CDC73: variants seen among roughly 807,000 people sequenced by gnomAD.
The protein encoded by CDC73 is cell division cycle 73, also known as parafibromin.
CDC73 carries 21 observed loss-of-function variants against 83.7 expected under a neutral mutation model. The ratio of observed to expected loss-of-function variants is 0.25; its 90% CI spans 0.18 to 0.36. The LOEUF (loss-of-function observed/expected upper bound fraction) is 0.36, where lower values mean the gene tolerates loss of function less well. CDC73 is among the 10% of genes least tolerant of loss of function. The probability of loss-of-function intolerance (pLI) is 1.00; values close to 1 mark genes in which losing one functional copy is unlikely to be tolerated. For missense variants in CDC73, 342 were observed against 653.3 expected (o/e 0.52, Z 5.19); for synonymous variants, 224 against 212.9 (o/e 1.05, Z -0.45).
At chr1:193,174,677 A>G (rs1379865339) in intron 10 of CDC73, among the ~76,000 whole-genome samples, 1 of 152,070 alleles carries the variant, frequency 6.6e-6, no homozygotes, top group African/African-American at 2.4e-5. Flanking sequence ...GATTCTTTAT[A>G]CAGTGTTTTC....
chr1:193,223,477 A>C (rs542182376), intron 13 of CDC73, among the ~76,000 whole-genome samples: 1 of 152,146 alleles, frequency 6.6e-6, no homozygotes, highest in Non-Finnish European at 1.5e-5. Flanking sequence ...CAGTTTTACC[A>C]TTTGAGATAT....
At chr1:193,135,978 C>T (rs752026787) in intron 5 of CDC73, among the ~76,000 whole-genome samples, 4 of 151,782 alleles carry the variant, frequency 2.6e-5, no homozygotes, top group Non-Finnish European at 4.4e-5. Context: ...AAGTGATCCC[C>T]CCACCTCAGC....
chr1:193,216,062 C>G (rs1157675282), intron 13 of CDC73, among the ~76,000 whole-genome samples: 1 of 152,132 alleles, frequency 6.6e-6, no homozygotes, highest in Non-Finnish European at 1.5e-5. Context: ...AGAACAAGAG[C>G]AAACCAGTCC....
chr1:193,224,152 C>T (rs1677520069), intron 13 of CDC73, among the ~76,000 whole-genome samples: 1 of 151,962 alleles, frequency 6.6e-6, no homozygotes, highest in Non-Finnish European at 1.5e-5. Context: ...CTCCACTCCC[C>T]CACCCTTCCT....
At position 193,203,681 on chromosome 1, in the gene CDC73, G is replaced by C. The variant is rs1371029667; in HGVS notation, c.973-114G>C. On this transcript the variant is annotated intron_variant, in intron 10 of 16. Coordinates refer to ENST00000367435, the MANE Select transcript of CDC73 (RefSeq NM_024529.5). ...AACATGTTCAGTGGAGTAACCAACTGAGTGAGAAAAACAGAACAAGAGACA... is the reference window on the plus strand; with the variant it reads ...AACATGTTCAGTGGAGTAACCAACTCAGTGAGAAAAACAGAACAAGAGACA... The C allele has an allele frequency of 5.7e-6, 5 of 871,902 alleles. No homozygotes were observed. In the African/African-American group the frequency reaches 6.7e-5, roughly 12 times the overall value. 54.0% of individuals were successfully genotyped at this position (871,902 alleles called of 1,614,324 possible).
At chr1:193,140,762 C>T (rs997889072) in intron 6 of CDC73, among the ~76,000 whole-genome samples, 6 of 152,110 alleles carry the variant, frequency 3.9e-5, no homozygotes, top group African/African-American at 9.7e-5. Flanking sequence ...CTACTCAGCA[C>T]GGCACATAAT....
chr1:193,226,921 A>G (rs1422525095), intron 13 of CDC73, among the ~76,000 whole-genome samples: 1 of 152,138 alleles, frequency 6.6e-6, no homozygotes, highest in Non-Finnish European at 1.5e-5. Context: ...GTCTGATACA[A>G]TTCAGCTGTG....
intron 1 of CDC73, among the ~76,000 whole-genome samples, chr1:193,124,303 C>G (rs573042131): frequency 1.3e-5 from 2 of 152,230 alleles, no homozygotes; most frequent in South Asian, 4.1e-4. Flanking sequence ...CTGTTCTTTT[C>G]TATTCTGAAA....
intron 2 of CDC73, among the ~76,000 whole-genome samples, chr1:193,125,645 C>T (rs937188794): frequency 6.0e-5 from 9 of 150,322 alleles, no homozygotes; most frequent in Non-Finnish European, 7.4e-5. Context: ...GGTGTGATCT[C>T]GGCTTACTGT....
chr1:193,142,730 G>A (rs775227562), intron 7 of CDC73, among the ~76,000 whole-genome samples: 4 of 150,938 alleles, frequency 2.7e-5, no homozygotes, highest in African/African-American at 7.3e-5. Flanking sequence ...TGTTGTACAC[G>A]TACCTTTGTG....
chr1:193,201,823 G>A (rs778059900), intron 10 of CDC73, among the ~76,000 whole-genome samples: 29 of 151,864 alleles, frequency 1.9e-4, no homozygotes, highest in African/African-American at 7.3e-5. Flanking sequence ...ATATAATACA[G>A]GTGTACAACT....
chr1:193,129,731 T>G (rs1257995110), intron 2 of CDC73, among the ~76,000 whole-genome samples: 1 of 151,902 alleles, frequency 6.6e-6, no homozygotes, highest in Non-Finnish European at 1.5e-5. Context: ...CAGGCTGGTC[T>G]TTAACTCCTG....
rs868328794 is a variant in CDC73, at chr1:193,149,634, A to G, written c.829-670A>G. ...TAAGCATATACTTATCATTCTTGATAGGTATTGATAAGTATATTTTATTTG... is the reference window on the plus strand; with the variant it reads ...TAAGCATATACTTATCATTCTTGATGGGTATTGATAAGTATATTTTATTTG... On this transcript the variant is annotated intron_variant, in intron 8 of 16. Coordinates refer to ENST00000367435, the MANE Select transcript of CDC73 (RefSeq NM_024529.5). 7.2e-5 allele frequency among the ~76,000 whole-genome samples: 11 copies of G among 152,306 alleles called. 1 individual carries two copies. The South Asian group carries it at 1.5e-3, about 20-fold the overall frequency.
chr1:193,144,561 C>CA lies in CDC73; in HGVS notation c.729+2497dup, dbSNP rs1356399881. On this transcript the variant is annotated intron_variant, in intron 7 of 16. Transcript: ENST00000367435. ...CTGCTGGTCATGGTGTGAATCAAGG[C>CA]AATGGCACTTAGCCATTGTGTTCTT... 2.6e-5 allele frequency among the ~76,000 whole-genome samples: 4 copies of CA among 152,292 alleles called. No individual in the cohort carries two copies. The East Asian group carries it at 7.7e-4, about 29-fold the overall frequency.
intron 3 of CDC73, among the ~76,000 whole-genome samples, chr1:193,130,800 A>G (rs1290150726): frequency 6.6e-6 from 1 of 152,166 alleles, no homozygotes; most frequent in Non-Finnish European, 1.5e-5. Context: ...GGTCTCTTGT[A>G]CCATACTTGA....
chr1:193,132,145 G>A (rs1032351281), intron 3 of CDC73, among the ~76,000 whole-genome samples: 2 of 152,158 alleles, frequency 1.3e-5, no homozygotes, highest in East Asian at 3.8e-4. Context: ...TGAGTGTGAC[G>A]TGTAGTACCT....
At chr1:193,144,921 A>G (rs1454356210) in intron 7 of CDC73, among the ~76,000 whole-genome samples, 1 of 152,036 alleles carries the variant, frequency 6.6e-6, no homozygotes, top group East Asian at 1.9e-4. Context: ...TGAGAAAATT[A>G]GAATTTTGGG....
chr1:193,211,432 C>T (rs114881105), intron 11 of CDC73, among the ~76,000 whole-genome samples: 10 of 152,134 alleles, frequency 6.6e-5, no homozygotes, highest in Non-Finnish European at 1.2e-4. Context: ...TTCTCTTCAA[C>T]TTAGTAGTAG....
chr1:193,174,766 T>C (rs1301500539), intron 10 of CDC73, among the ~76,000 whole-genome samples: 2 of 152,208 alleles, frequency 1.3e-5, no homozygotes, highest in African/African-American at 4.8e-5. Context: ...CTCTCATCTC[T>C]AGTATCCAGC....
Sources: gnomAD v4.1 joint callset for allele counts (sites outside exome capture counted in the v4.1 genomes callset) on GRCh38, gnomAD v4.1.1 for gene constraint, MANE v1.5 for transcripts, NCBI Gene and HGNC (gene_info 2026-07-23, HGNC 2026-07-21) for gene names.